Variants in RIC3 observed in about 807,000 individuals in gnomAD.
The protein encoded by RIC3 is protein RIC-3.
A neutral mutation model predicts 27.3 loss-of-function variants in RIC3; 28 were observed. That is an observed-to-expected ratio of 1.02 (90% CI 0.76 to 1.41). RIC3 has a LOEUF of 1.41. RIC3 is among the 40% of genes most tolerant of loss of function. The pLI, the probability that RIC3 is intolerant of heterozygous loss-of-function variation, is 0.00. For missense variants in RIC3, 501 were observed against 444.7 expected, an observed-to-expected ratio of 1.13 and a Z score of -1.14; for synonymous variants, 184 against 160.4, an observed-to-expected ratio of 1.15 and a Z score of -1.11.
At chr11:8,140,723 A>T (rs1948956425) in intron 1 of RIC3, among the ~76,000 whole-genome samples, 1 of 152,172 alleles carries the variant, frequency 6.6e-6, no homozygotes, top group African/African-American at 2.4e-5. Flanking sequence ...AGAGTGAGAA[A>T]TCAACTTCTA....
chr11:8,093,447 G>C, the RIC3 span, among the ~76,000 whole-genome samples: 1 of 152,200 alleles, frequency 6.6e-6, no homozygotes, highest in Non-Finnish European at 1.5e-5. Context: ...AACCATTCAA[G>C]GATTTTGAGC....
intron 1 of RIC3, chr11:8,153,433 A>C (rs754372881): frequency 4.4e-5 from 20 of 452,540 alleles, no homozygotes; most frequent in Non-Finnish European, 8.0e-5. Context: ...TCTGCAATAC[A>C]AAAAAGTAAT....
In RIC3 at chr11:8,110,689, T is replaced by C. The variant is rs763008439; in HGVS notation, c.*9A>G. 2 of 1,613,388 alleles carry C rather than the reference T, an allele frequency of 1.2e-6. No homozygotes were observed. The highest frequency in any genetic ancestry group is 1.1e-5 in the South Asian group (1 of 91,068). Reference sequence around the variant, plus strand: ...GACTTGAGTAATGGATACTTCAGACTGGCTGTTTTCACTCTAAACCCTGGG... The same window carrying C: ...GACTTGAGTAATGGATACTTCAGACCGGCTGTTTTCACTCTAAACCCTGGG... On this transcript the variant is annotated 3_prime_UTR_variant, in exon 6 of 6. Coordinates refer to ENST00000309737, the MANE Select transcript of RIC3 (RefSeq NM_001206671.4).
At position 8,137,487 on chromosome 11, in the gene RIC3, CA is replaced by C; in HGVS notation, c.428-17del. On this transcript the variant is annotated splice_polypyrimidine_tract_variant and intron_variant, in intron 3 of 5. Transcript: ENST00000309737. Reference sequence around the variant, plus strand: ...TCAAAACTGGCTAAAAAATAAGCAACAATCTAAGAACCATCAGAGACAACTC... The same window carrying C: ...TCAAAACTGGCTAAAAAATAAGCAACATCTAAGAACCATCAGAGACAACTC... 1.2e-6 allele frequency: 2 copies of C among 1,608,442 alleles called. No individual in the cohort carries two copies. Among genetic ancestry groups the C allele is most frequent in the Non-Finnish European group, 8.5e-7 (1 of 1,175,708 alleles).
chr11:8,094,071 T>C, the RIC3 span: 1 of 1,614,164 alleles, frequency 6.2e-7, no homozygotes, highest in Non-Finnish European at 8.5e-7. Flanking sequence ...CACTCGCCAG[T>C]GTGCAGCTGG....
intron 1 of RIC3, 117 bp from the exon 2 acceptor site, chr11:8,140,310 G>A (rs1948907783): frequency 2.2e-6 from 2 of 904,524 alleles, no homozygotes; most frequent in Admixed American, 5.8e-5. Context: ...AGAAAAAAAT[G>A]GCAACTTAAT....
At chr11:8,094,492 A>G in the RIC3 span, among the ~76,000 whole-genome samples, 10 of 151,764 alleles carry the variant, frequency 6.6e-5, no homozygotes, top group Admixed American at 3.3e-4. Context: ...CTTTATCATG[A>G]CCCCTCAAGG....
chr11:8,150,052 C>G (rs1950078493), intron 1 of RIC3, among the ~76,000 whole-genome samples: 1 of 152,120 alleles, frequency 6.6e-6, no homozygotes, highest in Admixed American at 6.5e-5. Context: ...TGTATAAGAC[C>G]CATGAAGGAC....
chr11:8,133,552 G>A (rs1947996163), intron 4 of RIC3, among the ~76,000 whole-genome samples: 1 of 152,152 alleles, frequency 6.6e-6, no homozygotes, highest in Non-Finnish European at 1.5e-5. Context: ...GAGGTAGGGT[G>A]GAAAAAGTAT....
At chr11:8,121,015 T>C (rs1946387284) in intron 5 of RIC3, among the ~76,000 whole-genome samples, 1 of 152,088 alleles carries the variant, frequency 6.6e-6, no homozygotes, top group South Asian at 2.1e-4. Context: ...ATACAAAAAT[T>C]AGTCAAAATT....
rs184023075 is a variant in RIC3, at chr11:8,124,023, C to T, written c.670+2636G>A. Among the ~76,000 whole-genome samples, 1,028 of 149,372 alleles carry T rather than the reference C, an allele frequency of 6.9e-3. 11 individuals carry two copies. The highest frequency in any genetic ancestry group is 9.0e-3 in the Non-Finnish European group (606 of 67,536). On this transcript the variant is annotated intron_variant, in intron 5 of 5. Coordinates refer to ENST00000309737, the MANE Select transcript of RIC3 (RefSeq NM_001206671.4). ...GAGATCAAACAGTGAGCCATGATCA[C>T]GTGCCACTGTACTCCAGCCTGGGCA...
At chr11:8,103,767 ATG>A (rs1768045697), downstream of RIC3, 1 of 152,672 alleles carries the variant, frequency 6.5e-6, no homozygotes, top group South Asian at 2.1e-4. Context: ...ATCGTCTCTA[ATG>A]TTAGGTCAAG....
chr11:8,124,106 AGAAAGCAAGC>A (rs1946758981), intron 5 of RIC3, among the ~76,000 whole-genome samples: 1 of 148,496 alleles, frequency 6.7e-6, no homozygotes, highest in African/African-American at 2.5e-5. Context: ...AAAGAAAAAG[AGAAAGCAAGC>A]AAGCAAGCAA....
intron 1 of RIC3, among the ~76,000 whole-genome samples, chr11:8,155,507 C>T (rs1337390635): frequency 6.6e-6 from 1 of 151,942 alleles, no homozygotes; most frequent in Non-Finnish European, 1.5e-5. Context: ...ACCCGGGAGG[C>T]GGAGGTTGCA....
intron 1 of RIC3, among the ~76,000 whole-genome samples, chr11:8,148,740 C>T (rs1451826939): frequency 1.3e-5 from 2 of 151,972 alleles, no homozygotes; most frequent in African/African-American, 4.8e-5. Context: ...ACAATAGTTC[C>T]CACATGGAAC....
At chr11:8,099,302 C>T in the RIC3 span, among the ~76,000 whole-genome samples, 1 of 152,138 alleles carries the variant, frequency 6.6e-6, no homozygotes, top group African/African-American at 2.4e-5. Flanking sequence ...GAAACTGAAG[C>T]TCAGCTGCAG....
chr11:8,142,034 G>A (rs1321423655), intron 1 of RIC3, among the ~76,000 whole-genome samples: 1 of 150,512 alleles, frequency 6.6e-6, no homozygotes, highest in South Asian at 2.2e-4. Flanking sequence ...GCAGTGTGTA[G>A]AGGGAAATTT....
chr11:8,111,671 A>C (rs1169723962), intron 5 of RIC3, among the ~76,000 whole-genome samples: 1 of 152,244 alleles, frequency 6.6e-6, no homozygotes, highest in African/African-American at 2.4e-5. Flanking sequence ...CACTTTAGCA[A>C]GGCATGCCCA....
downstream of RIC3, chr11:8,103,110 G>A (rs1385630731): frequency 2.0e-5 from 3 of 152,256 alleles, no homozygotes; most frequent in African/African-American, 7.2e-5. Context: ...TCAGCAGTAA[G>A]CAGGCCTTAG....
Sources: allele counts gnomAD v4.1 joint callset (sites outside exome capture counted in the v4.1 genomes callset), GRCh38; gene constraint gnomAD v4.1.1; transcripts MANE v1.5; gene names NCBI Gene and HGNC (gene_info 2026-07-23, HGNC 2026-07-21).